KCNH7: variants seen among roughly 807,000 people sequenced by gnomAD.
KCNH7 encodes potassium voltage-gated channel subfamily H member 7, also known as voltage-gated inwardly rectifying potassium channel KCNH7.
In KCNH7, 49 loss-of-function variants were observed where a neutral mutation model predicts 120.8. That is an observed-to-expected ratio of 0.41 (90% CI 0.32 to 0.51). KCNH7 has a LOEUF of 0.51. Among genes scored for constraint, KCNH7 ranks in the 20% least tolerant of loss-of-function variants. KCNH7 has a pLI of 0.38. For missense variants in KCNH7, 1,097 were observed against 1,446.6 expected (o/e 0.76, Z 3.92); for synonymous variants, 547 against 516.1 (o/e 1.06, Z -0.81).
At chr2:162,838,352 G>T in intron 1 of KCNH7, 91 bp downstream of exon 1, 1 of 1,037,126 alleles carries the variant, frequency 9.6e-7, no homozygotes, top group Non-Finnish European at 1.5e-6. Context: ...AGAGCCTGGA[G>T]TTGCCGGTCT....
At chr2:162,755,331 G>A (rs1285736672) in intron 2 of KCNH7, among the ~76,000 whole-genome samples, 2 of 152,042 alleles carry the variant, frequency 1.3e-5, no homozygotes, top group Admixed American at 6.6e-5. Context: ...AATTAGCCAG[G>A]TTTGGTGGTG....
At chr2:162,814,830 T>C (rs1204941255) in intron 2 of KCNH7, among the ~76,000 whole-genome samples, 1 of 152,184 alleles carries the variant, frequency 6.6e-6, no homozygotes, top group East Asian at 1.9e-4. Flanking sequence ...TTTTTGTTGT[T>C]GTTGTTGTTA....
intron 6 of KCNH7, among the ~76,000 whole-genome samples, chr2:162,448,445 G>C (rs571073514): frequency 7.2e-5 from 11 of 151,982 alleles, no homozygotes; most frequent in African/African-American, 1.4e-4. Flanking sequence ...GTGTACCCAG[G>C]GCACTCCAGC....
rs185384847 is a variant in KCNH7, at chr2:162,488,354, C to G, written c.1128+16089G>C. 4.3e-4 allele frequency among the ~76,000 whole-genome samples: 66 copies of G among 152,172 alleles called. 2 individuals are homozygous for G. The East Asian group carries it at 9.1e-3, about 21-fold the overall frequency. On this transcript the variant is annotated intron_variant, in intron 6 of 15. Coordinates refer to ENST00000332142, the MANE Select transcript of KCNH7 (RefSeq NM_033272.4). ...TATGATATTTTTTTTCTTCCCTTAG[C>G]TTTAAAATGTGTGATGTGAGAAGAG...
At chr2:162,386,245 C>G (rs1263173532) in intron 12 of KCNH7, among the ~76,000 whole-genome samples, 3 of 151,778 alleles carry the variant, frequency 2.0e-5, no homozygotes, top group African/African-American at 7.2e-5. Context: ...AATCTTCTTA[C>G]AAAAAGCCTT....
intron 2 of KCNH7, among the ~76,000 whole-genome samples, chr2:162,717,519 C>T (rs956113766): frequency 1.3e-5 from 2 of 152,096 alleles, no homozygotes; most frequent in African/African-American, 2.4e-5. Context: ...TCAAAGTCCT[C>T]AGAATCTATG....
At chr2:162,601,780 A>C (rs1427493250) in intron 2 of KCNH7, among the ~76,000 whole-genome samples, 2 of 151,938 alleles carry the variant, frequency 1.3e-5, no homozygotes, top group African/African-American at 4.8e-5. Context: ...ACTGCACTTA[A>C]TTTTTCCTAA....
chr2:162,745,693 T>G (rs1488296098), intron 2 of KCNH7, among the ~76,000 whole-genome samples: 1 of 152,126 alleles, frequency 6.6e-6, no homozygotes, highest in Non-Finnish European at 1.5e-5. Flanking sequence ...TACCACTTTC[T>G]ACTTTTGAAG....
intron 12 of KCNH7, among the ~76,000 whole-genome samples, chr2:162,385,933 A>T (rs1408500945): frequency 1.3e-5 from 2 of 151,926 alleles, no homozygotes; most frequent in Non-Finnish European, 1.5e-5. Context: ...TTATTTTTTT[A>T]AATCATAATT....
intron 2 of KCNH7, among the ~76,000 whole-genome samples, chr2:162,645,739 T>C (rs1684334898): frequency 6.6e-6 from 1 of 152,198 alleles, no homozygotes; most frequent in South Asian, 2.1e-4. Context: ...GCATTGAGCA[T>C]GGGTAGAATG....
chr2:162,399,377 A>AT, intron 10 of KCNH7, among the ~76,000 whole-genome samples: 2 of 151,380 alleles, frequency 1.3e-5, no homozygotes, highest in Admixed American at 1.3e-4. Context: ...AGTTTTTAAA[A>AT]TTTTTTTATT....
intron 2 of KCNH7, among the ~76,000 whole-genome samples, chr2:162,782,012 T>C (rs1010765710): frequency 6.6e-6 from 1 of 152,244 alleles, no homozygotes; most frequent in Non-Finnish European, 1.5e-5. Context: ...TTTTGAAATA[T>C]GGCATTTAAA....
chr2:162,638,104 A>G (rs896667451), intron 2 of KCNH7, among the ~76,000 whole-genome samples: 4 of 152,046 alleles, frequency 2.6e-5, no homozygotes, highest in Non-Finnish European at 5.9e-5. Flanking sequence ...TTTGACATTG[A>G]GGTGATAGTT....
At chr2:162,805,476 G>A (rs1487125063) in intron 2 of KCNH7, among the ~76,000 whole-genome samples, 1 of 151,964 alleles carries the variant, frequency 6.6e-6, no homozygotes, top group East Asian at 1.9e-4. Context: ...ACAAACATAT[G>A]AAAAAATGCT....
chr2:162,712,681 T>G (rs1183020796), intron 2 of KCNH7, among the ~76,000 whole-genome samples: 1 of 152,206 alleles, frequency 6.6e-6, no homozygotes, highest in African/African-American at 2.4e-5. Context: ...TCCTTTTTAG[T>G]ATATGAATAC....
In KCNH7 at chr2:162,670,696, T is replaced by C. The variant is rs549981558; in HGVS notation, c.308-133616A>G. Among the ~76,000 whole-genome samples, 116 of 151,614 alleles carry C rather than the reference T, an allele frequency of 7.7e-4. No individual in the cohort carries two copies. In the South Asian group the frequency reaches 0.014, roughly 18 times the overall value. ...TAGGATAACCTGTAATGATTAGTTTTGCTAAATATTAATGTAGAAAAAAAT... is the reference window on the plus strand; with the variant it reads ...TAGGATAACCTGTAATGATTAGTTTCGCTAAATATTAATGTAGAAAAAAAT... On this transcript the variant is annotated intron_variant, in intron 2 of 15. Coordinates refer to ENST00000332142, the MANE Select transcript of KCNH7 (RefSeq NM_033272.4).
intron 2 of KCNH7, among the ~76,000 whole-genome samples, chr2:162,580,841 G>A (rs1693842354): frequency 6.6e-6 from 1 of 152,008 alleles, no homozygotes; most frequent in African/African-American, 2.4e-5. Context: ...TGTGGGAACT[G>A]AGGAACATGT....
chr2:162,507,002 C>G (rs571145632), intron 5 of KCNH7, among the ~76,000 whole-genome samples: 3 of 151,880 alleles, frequency 2.0e-5, no homozygotes, highest in Admixed American at 6.6e-5. Context: ...TTAAAACTAA[C>G]TGTTTCACAT....
chr2:162,610,975 C>A (rs1682943542), intron 2 of KCNH7, among the ~76,000 whole-genome samples: 1 of 152,202 alleles, frequency 6.6e-6, no homozygotes, highest in Admixed American at 6.5e-5. Context: ...TCAGATCCTG[C>A]TCCCCGTAGG....
Sources: gnomAD v4.1 joint callset for allele counts (sites outside exome capture counted in the v4.1 genomes callset) on GRCh38, gnomAD v4.1.1 for gene constraint, MANE v1.5 for transcripts, NCBI Gene and HGNC (gene_info 2026-07-23, HGNC 2026-07-21) for gene names.